GPHN: variants seen among roughly 807,000 people sequenced by gnomAD.
The protein encoded by GPHN is gephyrin.
Under a neutral mutation model 95.5 loss-of-function variants are expected in GPHN, and 17 were observed. That is an observed-to-expected ratio of 0.18 (90% CI 0.12 to 0.27). GPHN has a LOEUF of 0.27. Among genes scored for constraint, GPHN ranks in the 10% least tolerant of loss-of-function variants. GPHN has a pLI of 1.00. For missense variants in GPHN, 660 were observed against 978.1 expected (o/e 0.67, Z 4.34); for synonymous variants, 320 against 322.5 (o/e 0.99, Z 0.08).
chr14:67,083,956 A>G (rs1310986069), intron 11 of GPHN, among the ~76,000 whole-genome samples: 5 of 152,194 alleles, frequency 3.3e-5, no homozygotes, highest in Non-Finnish European at 7.3e-5. Flanking sequence ...AGTCATAATC[A>G]TTAATGCACT....
the GPHN span, chr14:67,454,288 T>A: frequency 6.6e-6 from 1 of 152,254 alleles, no homozygotes; most frequent in East Asian, 1.9e-4. Flanking sequence ...TGCTTGTTCA[T>A]GCTTATAAAC....
At chr14:66,931,300 A>C (rs372959520) in intron 8 of GPHN, among the ~76,000 whole-genome samples, 26 of 151,418 alleles carry the variant, frequency 1.7e-4, no homozygotes, top group African/African-American at 6.1e-4. Flanking sequence ...GATCTTTGGG[A>C]GCTTGATTAT....
At chr14:67,704,220 A>T in the GPHN span, among the ~76,000 whole-genome samples, 1 of 152,230 alleles carries the variant, frequency 6.6e-6, no homozygotes, top group Non-Finnish European at 1.5e-5. Context: ...AACAAACAGG[A>T]AGAGCTGAGT....
At chr14:67,512,063 T>C in the GPHN span, among the ~76,000 whole-genome samples, 1 of 152,248 alleles carries the variant, frequency 6.6e-6, no homozygotes, top group Non-Finnish European at 1.5e-5. Context: ...ACGTAAATTC[T>C]GAGTGCATCT....
In GPHN at chr14:67,111,902, G is replaced by T; in HGVS notation, c.1455G>T (p.Arg485=). 6.2e-7 allele frequency: 1 copy of T among 1,612,686 alleles called. No homozygotes were observed. The highest frequency in any genetic ancestry group is 8.5e-7 in the Non-Finnish European group (1 of 1,178,756). The change falls in exon 15 of 23, where the codon CGG becomes CGT. Residue 485 remains arginine, a synonymous_variant. Coordinates refer to ENST00000478722, the MANE Select transcript of GPHN (RefSeq NM_020806.5). ...ELEVRILVQA[R]PGQDIRPIGH... ...AAGTGCGAATTCTGGTGCAAGCTCG[G>T]CCAGGCCAAGATATCAGGTAACTTC...
intron 9 of GPHN, among the ~76,000 whole-genome samples, chr14:66,985,167 G>A (rs1244216300): frequency 6.6e-6 from 1 of 152,100 alleles, no homozygotes; most frequent in Non-Finnish European, 1.5e-5. Flanking sequence ...CTCAGTGACA[G>A]CTGAACAACC....
At chr14:67,205,319 A>G in the GPHN span, among the ~76,000 whole-genome samples, 1 of 152,186 alleles carries the variant, frequency 6.6e-6, no homozygotes, top group Non-Finnish European at 1.5e-5. Context: ...TTAGCCCAGC[A>G]TCAGAAATGG....
intron 5 of GPHN, among the ~76,000 whole-genome samples, chr14:66,892,862 A>G (rs568527069): frequency 1.3e-5 from 2 of 152,336 alleles, no homozygotes; most frequent in African/African-American, 4.8e-5. Context: ...ACTGAATTGT[A>G]TACTTAAAAT....
chr14:67,427,171 C>T, the GPHN span, among the ~76,000 whole-genome samples: 1 of 152,040 alleles, frequency 6.6e-6, no homozygotes, highest in Non-Finnish European at 1.5e-5. Context: ...ATGTGGGTGG[C>T]GTACTCCAGT....
chr14:67,133,831 CAG>C (rs2079875373), intron 17 of GPHN, among the ~76,000 whole-genome samples: 1 of 152,116 alleles, frequency 6.6e-6, no homozygotes, highest in Non-Finnish European at 1.5e-5. Flanking sequence ...TAGAACTCTA[CAG>C]AGAGTGCTAT....
the GPHN span, among the ~76,000 whole-genome samples, chr14:67,252,183 ATT>A: frequency 5.9e-5 from 9 of 151,902 alleles, no homozygotes; most frequent in Non-Finnish European, 1.2e-4. Context: ...AATTATTTTT[ATT>A]TATTTATTTT....
At chr14:67,248,301 G>A in the GPHN span, among the ~76,000 whole-genome samples, 2 of 151,816 alleles carry the variant, frequency 1.3e-5, no homozygotes, top group African/African-American at 2.4e-5. Context: ...TGGGAGGGTC[G>A]CTTGAGCCCA....
At chr14:67,408,941 T>G in the GPHN span, among the ~76,000 whole-genome samples, 4 of 151,928 alleles carry the variant, frequency 2.6e-5, no homozygotes, top group Non-Finnish European at 5.9e-5. Context: ...AATGATCCTT[T>G]ATTGGCCAGG....
At chr14:67,512,355 G>C in the GPHN span, among the ~76,000 whole-genome samples, 1 of 152,168 alleles carries the variant, frequency 6.6e-6, no homozygotes, top group East Asian at 1.9e-4. Context: ...GCCAATAGAG[G>C]CTGAAATTCC....
chr14:67,368,565 G>A, the GPHN span, among the ~76,000 whole-genome samples: 2 of 152,152 alleles, frequency 1.3e-5, no homozygotes, highest in Non-Finnish European at 2.9e-5. Context: ...TAGAAGCTAA[G>A]AAAACAGAAT....
chr14:67,562,769 G>A, the GPHN span: 1 of 1,613,868 alleles, frequency 6.2e-7, no homozygotes. Flanking sequence ...GATGGAGATG[G>A]AGGAGCCACC....
Position 67,045,583 on chromosome 14 carries a change from GTGTC to G in GPHN, c.1007-13056_1007-13053del, listed in dbSNP as rs533807109. ...TCTCTCTGTCTCCCCCTCTGTCTCA[GTGTC>G]TGTCTGTCTCTCTGTCTCTGTCTGT... On this transcript the variant is annotated intron_variant, in intron 10 of 22. Coordinates refer to ENST00000478722, the MANE Select transcript of GPHN (RefSeq NM_020806.5). 2.2e-3 allele frequency among the ~76,000 whole-genome samples: 311 copies of G among 143,638 alleles called. 1 individual carries two copies. The highest frequency in any genetic ancestry group is 7.0e-3 in the African/African-American group (266 of 38,224). 94.2% of individuals were successfully genotyped at this position (143,638 alleles called of 152,430 possible). A position where few individuals can be genotyped will look rare whatever the true frequency, so the allele number is the denominator to read the frequency against.
Position 67,086,649 on chromosome 14 carries a change from C to CAAAAAA in GPHN, c.1145-2321_1145-2316dup, listed in dbSNP as rs59947004. Among the ~76,000 whole-genome samples the CAAAAAA allele has an allele frequency of 1.2e-4, 10 of 84,618 alleles. No homozygotes were observed. In the East Asian group the frequency reaches 3.8e-3, roughly 32 times the overall value. 55.5% of individuals were successfully genotyped at this position (84,618 alleles called of 152,430 possible). ...CCTGGGCGACAGCGAGACTCTGTCT[C>CAAAAAA]AAAAAAAAAAAAAAAAAAGTTCTAA... On this transcript the variant is annotated intron_variant, in intron 11 of 22. Transcript: ENST00000478722.
chr14:66,779,471 T>C (rs1396777146), intron 3 of GPHN, among the ~76,000 whole-genome samples: 2 of 152,112 alleles, frequency 1.3e-5, no homozygotes, highest in East Asian at 3.8e-4. Flanking sequence ...AATAAATATA[T>C]ATAAATAAGC....
Sources: gnomAD v4.1 joint callset for allele counts (sites outside exome capture counted in the v4.1 genomes callset) on GRCh38, gnomAD v4.1.1 for gene constraint, MANE v1.5 for transcripts, NCBI Gene and HGNC (gene_info 2026-07-23, HGNC 2026-07-21) for gene names.